Variants in LANCL1 observed in about 807,000 individuals in gnomAD.
LANCL1 encodes the protein LanC like glutathione S-transferase 1.
LANCL1 carries 50 observed loss-of-function variants against 50.6 expected under a neutral mutation model. That is an observed-to-expected ratio of 0.99 (90% CI 0.79 to 1.25). The LOEUF is 1.25. LANCL1 is among the 50% of genes most tolerant of loss of function. The pLI, the probability that LANCL1 is intolerant of heterozygous loss-of-function variation, is 0.00. For missense variants in LANCL1, 532 were observed against 480.7 expected (o/e 1.11, Z -1.00); for synonymous variants, 188 against 178.6 (o/e 1.05, Z -0.42).
At chr2:210,475,914 G>A (rs1694346964) in intron 2 of LANCL1, among the ~76,000 whole-genome samples, 1 of 151,974 alleles carries the variant, frequency 6.6e-6, no homozygotes, top group Admixed American at 6.6e-5. Context: ...ATACACCACC[G>A]TTTGCTCTCA....
intron 2 of LANCL1, among the ~76,000 whole-genome samples, chr2:210,473,520 G>A (rs1214354395): frequency 2.0e-5 from 3 of 152,046 alleles, no homozygotes; most frequent in African/African-American, 7.2e-5. Context: ...AGTTACAAGG[G>A]TATAAACATT....
At chr2:210,456,681 G>A (rs992617150) in intron 3 of LANCL1, among the ~76,000 whole-genome samples, 13 of 152,150 alleles carry the variant, frequency 8.5e-5, no homozygotes, top group African/African-American at 2.7e-4. Flanking sequence ...CGCATCTGCA[G>A]GTGATCCATT....
intron 4 of LANCL1, among the ~76,000 whole-genome samples, chr2:210,453,886 C>T (rs1028237706): frequency 6.6e-6 from 1 of 152,140 alleles, no homozygotes; most frequent in East Asian, 1.9e-4. Context: ...TTTGGTCGAG[C>T]TTGGTGACAG....
At chr2:210,438,682 T>G (rs1038953863) in intron 6 of LANCL1, among the ~76,000 whole-genome samples, 1 of 152,306 alleles carries the variant, frequency 6.6e-6, no homozygotes, top group African/African-American at 2.4e-5. Flanking sequence ...ACCTGGAATC[T>G]AGATTCCAAA....
chr2:210,449,579 G>A (rs938600480), intron 4 of LANCL1, among the ~76,000 whole-genome samples: 7 of 152,138 alleles, frequency 4.6e-5, no homozygotes, highest in African/African-American at 9.7e-5. Context: ...GTCTGCAGAC[G>A]ACATGATTGT....
intron 3 of LANCL1, 90 bp from the exon 4 acceptor site, chr2:210,455,404 G>C: frequency 4.7e-6 from 5 of 1,056,200 alleles, no homozygotes; most frequent in Non-Finnish European, 6.8e-6. Context: ...AGCGATTTTT[G>C]ATAACCTGTA....
intron 3 of LANCL1, among the ~76,000 whole-genome samples, chr2:210,464,866 T>C (rs535761195): frequency 1.3e-5 from 2 of 149,424 alleles, no homozygotes; most frequent in East Asian, 3.9e-4. Context: ...CTCGGGAGGC[T>C]GAGGCAGGAG....
In LANCL1 at chr2:210,471,974, A is replaced by G. The variant is rs762323692; in HGVS notation, c.184T>C (p.Tyr62His). The G allele has an allele frequency of 6.2e-7, 1 of 1,612,058 alleles. No individual in the cohort carries two copies. The highest frequency in any genetic ancestry group is 1.7e-5 in the Admixed American group (1 of 60,024). The change falls in exon 3 of 10, where the codon TAC (tyrosine) becomes CAC (histidine). Residue 62 changes from tyrosine (Y) to histidine (H), a missense_variant. Tyr to His is a moderately conservative substitution (Grantham distance 83, BLOSUM62 2). Transcript: ENST00000450366. ...CACTTCATACCTGCCCAGCCAGTGT[A>G]ACCGGTGCCATCCCGAGGGTCTGCT... ...KSADPRDGTG[Y>H]TGWAGIAVLY...
At chr2:210,442,604 G>A (rs756689560) in intron 4 of LANCL1, 1 of 152,172 alleles carries the variant, frequency 6.6e-6, no homozygotes, top group Admixed American at 6.5e-5. Context: ...CTAAAACCTG[G>A]ACAGGATACA....
At chr2:210,474,700 T>A (rs1003560790) in intron 2 of LANCL1, among the ~76,000 whole-genome samples, 10 of 151,466 alleles carry the variant, frequency 6.6e-5, no homozygotes, top group African/African-American at 2.4e-4. Flanking sequence ...CACTCCAGCC[T>A]GGGCTCAGGG....
At chr2:210,459,065 TCCTTC>T (rs1693757281) in intron 3 of LANCL1, among the ~76,000 whole-genome samples, 1 of 152,122 alleles carries the variant, frequency 6.6e-6, no homozygotes, top group African/African-American at 2.4e-5. Flanking sequence ...GAGACATGCT[TCCTTC>T]CCTTCATCTT....
In LANCL1 at chr2:210,476,707, G is replaced by A; in HGVS notation, c.-104C>T. ...CTCCCGCGTCCTGAAGCCCTTCTCG[G>A]CCCTGGCCTCTCACCCCGCAGCCCC... On this transcript the variant is annotated 5_prime_UTR_variant, in exon 1 of 10. Coordinates refer to ENST00000450366, the MANE Select transcript of LANCL1 (RefSeq NM_006055.3). 1.7e-6 allele frequency: 2 copies of A among 1,160,880 alleles called. No individual in the cohort carries two copies. The highest frequency in any genetic ancestry group is 2.1e-6 in the Non-Finnish European group (2 of 938,436). 71.9% of individuals were successfully genotyped at this position (1,160,880 alleles called of 1,614,324 possible).
At chr2:210,472,618 C>T (rs1234769741) in intron 2 of LANCL1, among the ~76,000 whole-genome samples, 2 of 152,186 alleles carry the variant, frequency 1.3e-5, no homozygotes, top group African/African-American at 2.4e-5. Context: ...GCATCATAAA[C>T]CCACGTCCAG....
At chr2:210,475,997 T>C (rs1170452036) in intron 2 of LANCL1, among the ~76,000 whole-genome samples, 1 of 152,208 alleles carries the variant, frequency 6.6e-6, no homozygotes, top group East Asian at 1.9e-4. Context: ...TTAGGATTCT[T>C]CACCTCTTTT....
intron 4 of LANCL1, among the ~76,000 whole-genome samples, chr2:210,451,620 C>T (rs1693513764): frequency 6.6e-6 from 1 of 152,096 alleles, no homozygotes; most frequent in Admixed American, 6.5e-5. Flanking sequence ...CACAACATTC[C>T]TTATCTCTAT....
rs1252152630 is a variant in LANCL1, at chr2:210,470,641, ATTTCAGAT to A, written c.199+1310_199+1317del. 3.3e-5 allele frequency among the ~76,000 whole-genome samples: 5 copies of A among 152,260 alleles called. No homozygotes were observed. In the East Asian group the frequency reaches 7.7e-4, roughly 24 times the overall value. ...AGCTTCAAATTTTGGAGCATTTTGG[ATTTCAGAT>A]TTTCAGATTTGGGATGCTCAACCTG... On this transcript the variant is annotated intron_variant, in intron 3 of 9. Transcript: ENST00000450366.
chr2:210,460,815 C>T (rs1258427657), intron 3 of LANCL1: 2 of 152,270 alleles, frequency 1.3e-5, no homozygotes, highest in Non-Finnish European at 2.9e-5. Context: ...AGTGACTCCA[C>T]ACCTTTAATT....
chr2:210,436,473 G>T, intron 7 of LANCL1, 81 bp from the exon 8 acceptor site: 2 of 1,337,688 alleles, frequency 1.5e-6, no homozygotes, highest in Non-Finnish European at 1.0e-6. Flanking sequence ...AGATAAGAAG[G>T]AAAGAGGGAG....
In LANCL1 at chr2:210,471,538, C is replaced by T. The variant is rs142540579; in HGVS notation, c.199+421G>A. ...TGGATTCCTGTATGGATTCCTGTTA[C>T]GGGTTAACTTTTTAAAACATGCTTC... On this transcript the variant is annotated intron_variant, in intron 3 of 9. Coordinates refer to ENST00000450366, the MANE Select transcript of LANCL1 (RefSeq NM_006055.3). 335 of 457,844 alleles carry T rather than the reference C, an allele frequency of 7.3e-4. 1 individual carries two copies. The highest frequency in any genetic ancestry group is 2.3e-3 in the Admixed American group (99 of 42,582). 28.4% of individuals were successfully genotyped at this position (457,844 alleles called of 1,614,324 possible). A position where few individuals can be genotyped will look rare whatever the true frequency, so the allele number is the denominator to read the frequency against.
Sources: gnomAD v4.1 joint callset for allele counts (sites outside exome capture counted in the v4.1 genomes callset) on GRCh38, gnomAD v4.1.1 for gene constraint, MANE v1.5 for transcripts, NCBI Gene and HGNC (gene_info 2026-07-23, HGNC 2026-07-21) for gene names.